Variants in TANC2 observed in about 807,000 individuals in gnomAD.
TANC2 encodes the protein tetratricopeptide repeat, ankyrin repeat and coiled-coil containing 2.
Under a neutral mutation model 210.5 loss-of-function variants are expected in TANC2, and 26 were observed. That is an observed-to-expected ratio of 0.12 (90% CI 0.09 to 0.17). TANC2 has a LOEUF of 0.17. Among genes scored for constraint, TANC2 ranks in the 10% least tolerant of loss-of-function variants. The pLI, the probability that TANC2 is intolerant of heterozygous loss-of-function variation, is 1.00. For synonymous variants in TANC2, 931 were observed against 967.1 expected, an observed-to-expected ratio of 0.96 and a Z score of 0.69; for missense variants, 2,129 against 2,608.9, an observed-to-expected ratio of 0.82 and a Z score of 4.01.
intron 12 of TANC2, among the ~76,000 whole-genome samples, chr17:63,349,337 C>T (rs10491167): frequency 0.18 from 27,195 of 152,088 alleles, 2,807 homozygotes; most frequent in Non-Finnish European, 0.24. Context: ...TTACTGATCT[C>T]CATGCTTGAG....
intron 4 of TANC2, among the ~76,000 whole-genome samples, chr17:63,106,140 G>A (rs2037814470): frequency 1.3e-5 from 2 of 151,508 alleles, no homozygotes; most frequent in East Asian, 1.9e-4. Context: ...TGGAAAAAAG[G>A]GGGGGCCCTT....
At position 63,099,158 on chromosome 17, in the gene TANC2, C is replaced by T; in HGVS notation, c.140-17C>T. 6.2e-7 allele frequency: 1 copy of T among 1,608,938 alleles called. No homozygotes were observed. Among genetic ancestry groups the T allele is most frequent in the African/African-American group, 1.3e-5 (1 of 74,964 alleles). On this transcript the variant is annotated splice_polypyrimidine_tract_variant and intron_variant, in intron 3 of 27. Coordinates refer to ENST00000689528, the Ensembl canonical transcript of TANC2. ...ATCTTTTCTCACCAGCTCTTTTGTT[C>T]CATCCCCTTCTAACAGGTGGCATCT...
In TANC2 at chr17:63,124,019, G is replaced by A. The variant is rs138049188; in HGVS notation, c.322+24662G>A. On this transcript the variant is annotated intron_variant, in intron 4 of 27. Transcript: ENST00000689528. ...CCCGGCCATAAGGTCTCTTTAGGATGCGAATTGAACAAATAGAAAAGGTAG... is the reference window on the plus strand; with the variant it reads ...CCCGGCCATAAGGTCTCTTTAGGATACGAATTGAACAAATAGAAAAGGTAG... Among the ~76,000 whole-genome samples the A allele has an allele frequency of 4.5e-4, 69 of 152,184 alleles. 2 individuals are homozygous for A. The East Asian group carries it at 0.011, about 24-fold the overall frequency.
chr17:63,295,984 C>T (rs1184641281), intron 9 of TANC2, among the ~76,000 whole-genome samples: 1 of 152,074 alleles, frequency 6.6e-6, no homozygotes, highest in Non-Finnish European at 1.5e-5. Flanking sequence ...TTCCTGTTTC[C>T]TGCCTAAGAC....
chr17:63,001,728 A>G (rs990821659), intron 1 of TANC2, among the ~76,000 whole-genome samples: 8 of 151,642 alleles, frequency 5.3e-5, no homozygotes, highest in African/African-American at 1.9e-4. Flanking sequence ...TGTATTTTTT[A>G]GTAGAGACAG....
chr17:63,242,214 T>C (rs932314002), intron 8 of TANC2, among the ~76,000 whole-genome samples: 2 of 152,090 alleles, frequency 1.3e-5, no homozygotes, highest in Admixed American at 6.6e-5. Flanking sequence ...TGTGAGCTTA[T>C]GAGATGTCTA....
At chr17:63,301,817 T>C (rs1006922261) in intron 9 of TANC2, among the ~76,000 whole-genome samples, 3 of 152,218 alleles carry the variant, frequency 2.0e-5, no homozygotes, top group Admixed American at 6.5e-5. Context: ...TATCTTCTGC[T>C]AGCTTTTGGA....
chr17:63,194,070 C>T (rs2041267036), exon 6 of TANC2: 1 of 1,613,280 alleles, frequency 6.2e-7, no homozygotes, highest in Non-Finnish European at 8.5e-7. Flanking sequence ...TGGGTTTCCT[C>T]CTTGGAGAGA....
chr17:63,156,991 C>A lies in TANC2; in HGVS notation c.433+5611C>A, dbSNP rs529566472. Among the ~76,000 whole-genome samples the A allele has an allele frequency of 1.2e-4, 18 of 152,294 alleles. No homozygotes were observed. The South Asian group carries it at 1.7e-3, about 14-fold the overall frequency. ...AGATTATAGGCGTGAGCCACCATGC[C>A]CACCCTACTTTGAACATTTTTAGTT... is the stretch of plus-strand genomic sequence containing the variant. On this transcript the variant is annotated intron_variant, in intron 5 of 27. Coordinates refer to ENST00000689528, the Ensembl canonical transcript of TANC2.
chr17:63,183,876 G>A (rs1300678723), intron 5 of TANC2, among the ~76,000 whole-genome samples: 4 of 152,242 alleles, frequency 2.6e-5, no homozygotes, highest in East Asian at 3.9e-4. Context: ...AATTAGCCGG[G>A]CGAGGTGGCG....
At position 63,421,063 on chromosome 17, in the gene TANC2, A is replaced by G. The variant is rs2049010343; in HGVS notation, c.5333A>G (p.Lys1778Arg). The G allele has an allele frequency of 6.2e-7, 1 of 1,613,806 alleles. No individual in the cohort carries two copies. The highest frequency in any genetic ancestry group is 8.5e-7 in the Non-Finnish European group (1 of 1,179,852). ...ATCTGTCAGCATGGAGGATTGACCA[A>G]AGAGGATCTTCCACAGCGACCTTCC... is the stretch of plus-strand genomic sequence containing the variant. The change falls in exon 28 of 28, where the codon AAA (lysine) becomes AGA (arginine). Residue 1778 changes from lysine (K) to arginine (R), a missense_variant. Lys to Arg is a conservative substitution (Grantham distance 26). Coordinates refer to ENST00000689528, the Ensembl canonical transcript of TANC2. The surrounding 1 kb of genome is among the most constrained non-coding windows in gnomAD (Gnocchi z 6.9).
chr17:63,411,474 T>G (rs780911496), intron 21 of TANC2, 37 bp from the exon 22 acceptor site: 1 of 1,566,254 alleles, frequency 6.4e-7, no homozygotes, highest in East Asian at 2.3e-5. Context: ...TGTGATTCCA[T>G]GTCTCCTCAG....
chr17:63,173,850 T>C (rs541592591), intron 5 of TANC2, among the ~76,000 whole-genome samples: 1 of 152,318 alleles, frequency 6.6e-6, no homozygotes, highest in South Asian at 2.1e-4. Context: ...TATAAAAAAA[T>C]TAAGTGATGT....
intron 2 of TANC2, among the ~76,000 whole-genome samples, chr17:63,043,980 T>G (rs2035286674): frequency 6.6e-6 from 1 of 152,194 alleles, no homozygotes; most frequent in Non-Finnish European, 1.5e-5. Flanking sequence ...GTCTTCTCTT[T>G]ACTTCTTCAT....
chr17:62,985,327 C>T (rs1451188483), intron 1 of TANC2, among the ~76,000 whole-genome samples: 1 of 152,022 alleles, frequency 6.6e-6, no homozygotes, highest in Non-Finnish European at 1.5e-5. Flanking sequence ...TTACTTTTGA[C>T]AATTTGACTG....
Position 63,418,934 on chromosome 17 carries a change from G to C in TANC2, c.4268+527G>C, listed in dbSNP as rs182048029. Among the ~76,000 whole-genome samples, 227 of 152,132 alleles carry C rather than the reference G, an allele frequency of 1.5e-3. 1 individual carries two copies. Among genetic ancestry groups the C allele is most frequent in the Admixed American group, 5.4e-3 (83 of 15,284 alleles). On this transcript the variant is annotated intron_variant, in intron 27 of 27. Transcript: ENST00000689528. This position sits in a 1 kb window ranked among gnomAD's most constrained non-coding sequence, Gnocchi z 4.6. ...AACCATCACCCACCACACACACACA[G>C]AGTCAAGAGGTCCTTGCTGCCAGGA...
At chr17:63,267,934 A>T in intron 9 of TANC2, 61 bp downstream of exon 9, 1 of 1,546,630 alleles carries the variant, frequency 6.5e-7, no homozygotes, top group Non-Finnish European at 8.7e-7. Context: ...GCAAAAGCCA[A>T]AAAGTTGCTT....
chr17:63,250,659 G>A (rs377066316), intron 8 of TANC2, among the ~76,000 whole-genome samples: 8 of 152,162 alleles, frequency 5.3e-5, no homozygotes, highest in African/African-American at 1.9e-4. Context: ...ATGGTTATTC[G>A]TTCATTAGAC....
At chr17:63,391,936 A>G (rs1344112079) in intron 17 of TANC2, among the ~76,000 whole-genome samples, 1 of 152,130 alleles carries the variant, frequency 6.6e-6, no homozygotes, top group Non-Finnish European at 1.5e-5. Flanking sequence ...CATGTTGGCC[A>G]GGCTGGTCTT....
Sources: gnomAD v4.1 joint callset for allele counts (sites outside exome capture counted in the v4.1 genomes callset) on GRCh38, gnomAD v4.1.1 for gene constraint, Gnocchi (gnomAD v3.1) non-coding constraint, MANE v1.5 for transcripts, NCBI Gene and HGNC (gene_info 2026-07-23, HGNC 2026-07-21) for gene names.